PRKCH: variants seen among roughly 807,000 people sequenced by gnomAD.
PRKCH encodes protein kinase C eta.
Under a neutral mutation model 82.5 loss-of-function variants are expected in PRKCH, and 28 were observed. The observed-to-expected ratio is 0.34, with a 90% CI of 0.25 to 0.47. The LOEUF (loss-of-function observed/expected upper bound fraction) is 0.47, where lower values mean the gene tolerates loss of function less well. Among genes scored for constraint, PRKCH ranks in the 20% least tolerant of loss-of-function variants. The pLI is 1.00. For synonymous variants in PRKCH, 322 were observed against 327.4 expected (o/e 0.98, Z 0.18); for missense variants, 705 against 881.8 (o/e 0.80, Z 2.54).
intron 1 of PRKCH, among the ~76,000 whole-genome samples, chr14:61,327,623 T>A (rs999927804): frequency 2.6e-5 from 4 of 152,196 alleles, no homozygotes; most frequent in African/African-American, 9.7e-5. Flanking sequence ...CATATTATTA[T>A]CTTGTTGTCT....
intron 1 of PRKCH, among the ~76,000 whole-genome samples, chr14:61,385,248 A>G (rs2046570062): frequency 6.6e-6 from 1 of 152,200 alleles, no homozygotes; most frequent in South Asian, 2.1e-4. Flanking sequence ...TTAGCCAATG[A>G]CATAGGTAGC....
At chr14:61,252,733 G>C (rs2044957170) in intron 1 of PRKCH, among the ~76,000 whole-genome samples, 2 of 152,220 alleles carry the variant, frequency 1.3e-5, no homozygotes, top group African/African-American at 4.8e-5. Flanking sequence ...AATTTGAGAA[G>C]TTTAAAGTAC....
At chr14:61,448,274 T>G (rs186112160) in intron 4 of PRKCH, among the ~76,000 whole-genome samples, 184 of 152,356 alleles carry the variant, frequency 1.2e-3, no homozygotes, top group African/African-American at 4.4e-3. Context: ...TCTTGAAAGA[T>G]CTTAAGATGA....
At chr14:61,462,739 C>G (rs888922476) in intron 9 of PRKCH, among the ~76,000 whole-genome samples, 1 of 152,150 alleles carries the variant, frequency 6.6e-6, no homozygotes, top group Admixed American at 6.5e-5. Flanking sequence ...TGACAGTCTC[C>G]CCTGGAGAAT....
At chr14:61,432,341 A>G (rs1453296412) in intron 2 of PRKCH, among the ~76,000 whole-genome samples, 2 of 151,992 alleles carry the variant, frequency 1.3e-5, no homozygotes, top group Non-Finnish European at 1.5e-5. Flanking sequence ...TTAACATACC[A>G]CTTTCTTGTA....
intron 1 of PRKCH, among the ~76,000 whole-genome samples, chr14:61,198,495 C>A (rs891983463): frequency 3.3e-5 from 5 of 152,158 alleles, no homozygotes; most frequent in South Asian, 4.1e-4. Flanking sequence ...GAATTATTGA[C>A]CTCTTCGTTC....
At chr14:61,263,889 G>A (rs899199178) in intron 1 of PRKCH, among the ~76,000 whole-genome samples, 6 of 94,030 alleles carry the variant, frequency 6.4e-5, no homozygotes, top group African/African-American at 1.9e-4. Flanking sequence ...GTGTGTGTGT[G>A]TGTGTGTATG....
chr14:61,419,440 C>T (rs929870148), intron 2 of PRKCH, among the ~76,000 whole-genome samples: 2 of 152,184 alleles, frequency 1.3e-5, no homozygotes, highest in Non-Finnish European at 2.9e-5. Flanking sequence ...AGATGCTTAG[C>T]AGCATTCCTG....
chr14:61,394,656 A>G lies in PRKCH; in HGVS notation c.427+3368A>G, dbSNP rs115584115. On this transcript the variant is annotated intron_variant, in intron 2 of 13. Coordinates refer to ENST00000332981, the MANE Select transcript of PRKCH (RefSeq NM_006255.5). ...AGAGCCATGCCAACTCTCTAGGACTAAATGCTCACCAAATACATCTGATTG... is the reference window on the plus strand; with the variant it reads ...AGAGCCATGCCAACTCTCTAGGACTGAATGCTCACCAAATACATCTGATTG... Among the ~76,000 whole-genome samples, 1,378 of 152,332 alleles carry G rather than the reference A, an allele frequency of 9.0e-3. 31 individuals carry two copies. The highest frequency in any genetic ancestry group is 0.031 in the African/African-American group (1,307 of 41,576).
chr14:61,230,684 A>T (rs1407371604), intron 1 of PRKCH, among the ~76,000 whole-genome samples: 2 of 152,214 alleles, frequency 1.3e-5, no homozygotes, highest in Non-Finnish European at 2.9e-5. Context: ...GCAAACTCTG[A>T]CCACTGTCCC....
At position 61,457,687 on chromosome 14, in the gene PRKCH, T is replaced by A. The variant is rs1174487402; in HGVS notation, c.1278+8T>A. The A allele has an allele frequency of 1.2e-6, 2 of 1,613,472 alleles. No homozygotes were observed. Among genetic ancestry groups the A allele is most frequent in the African/African-American group, 2.7e-5 (2 of 74,926 alleles). ...TGCTGCTTTCAGACCCCCGTAAGTA[T>A]GAATCACATTCACTGCACCAACAGC... is the stretch of plus-strand genomic sequence containing the variant. On this transcript the variant is annotated splice_region_variant and intron_variant, in intron 9 of 13. Coordinates refer to ENST00000332981, the MANE Select transcript of PRKCH (RefSeq NM_006255.5).
chr14:61,402,453 T>A (rs567214469), intron 2 of PRKCH, among the ~76,000 whole-genome samples: 25 of 152,248 alleles, frequency 1.6e-4, no homozygotes, highest in Admixed American at 4.6e-4. Flanking sequence ...ATTCATGTAC[T>A]TCAACTAGAA....
intron 1 of PRKCH, chr14:61,278,496 T>A (rs1446250790): frequency 1.3e-5 from 2 of 152,354 alleles, no homozygotes; most frequent in Admixed American, 1.3e-4. Context: ...CTATGTAAAC[T>A]ATTCAATACA....
chr14:61,420,816 G>A (rs899574226), intron 2 of PRKCH, among the ~76,000 whole-genome samples: 2 of 152,098 alleles, frequency 1.3e-5, no homozygotes, highest in South Asian at 4.2e-4. Context: ...GTTCCTTAAA[G>A]AGGCTAAGCG....
chr14:61,500,406 C>T (rs970187986), intron 10 of PRKCH, among the ~76,000 whole-genome samples: 3 of 152,014 alleles, frequency 2.0e-5, no homozygotes, highest in African/African-American at 7.3e-5. Context: ...CTATGTTGCC[C>T]AGGCTGGTCT....
At chr14:61,443,889 A>T (rs1300491230) in intron 3 of PRKCH, among the ~76,000 whole-genome samples, 1 of 152,252 alleles carries the variant, frequency 6.6e-6, no homozygotes, top group Admixed American at 6.5e-5. Flanking sequence ...AGCAGTAGTT[A>T]TCTTTAGTGA....
intron 10 of PRKCH, among the ~76,000 whole-genome samples, chr14:61,516,078 C>T (rs150914504): frequency 3.9e-5 from 6 of 152,272 alleles, no homozygotes; most frequent in African/African-American, 1.4e-4. Flanking sequence ...GCTCTAAAGT[C>T]TGTGCCCGTA....
At chr14:61,546,569 C>T (rs1483800150) in intron 12 of PRKCH, among the ~76,000 whole-genome samples, 1 of 152,234 alleles carries the variant, frequency 6.6e-6, no homozygotes, top group East Asian at 1.9e-4. Context: ...CACCTCTGGA[C>T]ACCTGGCATG....
intron 10 of PRKCH, among the ~76,000 whole-genome samples, chr14:61,513,921 C>G (rs2042784156): frequency 6.6e-6 from 1 of 151,954 alleles, no homozygotes; most frequent in African/African-American, 2.4e-5. Flanking sequence ...TCATCGTGTC[C>G]CATCCCATCG....
Sources: gnomAD v4.1 joint callset for allele counts (sites outside exome capture counted in the v4.1 genomes callset) on GRCh38, gnomAD v4.1.1 for gene constraint, MANE v1.5 for transcripts, NCBI Gene and HGNC (gene_info 2026-07-23, HGNC 2026-07-21) for gene names.